SH3BGRL: variants seen among roughly 807,000 people sequenced by gnomAD.
SH3BGRL encodes the protein SH3 domain binding glutamate rich protein like.
Under a neutral mutation model 9.8 loss-of-function variants are expected in SH3BGRL, and 7 were observed. The observed-to-expected ratio is 0.72, with a 90% confidence interval of 0.41 to 1.35. SH3BGRL has a LOEUF of 1.35. Ranked by LOEUF, SH3BGRL falls within the 40% of genes most tolerant of loss-of-function variation. SH3BGRL has a pLI of 0.01. For synonymous variants in SH3BGRL, 36 were observed against 29.1 expected, an observed-to-expected ratio of 1.24 and a Z score of -0.76; for missense variants, 73 against 84.4, an observed-to-expected ratio of 0.86 and a Z score of 0.53.
chrX:81,216,086 A>G, intron 1 of SH3BGRL, among the ~76,000 whole-genome samples: 1 of 111,475 alleles, frequency 9.0e-6, no homozygotes, highest in Non-Finnish European at 1.9e-5. Flanking sequence ...TTTTGTGTAA[A>G]CAATTATGTC....
intron 1 of SH3BGRL, among the ~76,000 whole-genome samples, chrX:81,230,795 G>A (rs917775493): frequency 3.6e-5 from 4 of 111,670 alleles, no homozygotes; most frequent in Non-Finnish European, 7.5e-5. Flanking sequence ...CTTGTAATGT[G>A]TGGCCCCAAC....
intron 1 of SH3BGRL, among the ~76,000 whole-genome samples, chrX:81,259,541 T>G (rs1430164807): frequency 8.9e-6 from 1 of 111,874 alleles, no homozygotes; most frequent in African/African-American, 3.2e-5. Context: ...AACTGGTTTG[T>G]TTGCTTTCAA....
intron 1 of SH3BGRL, among the ~76,000 whole-genome samples, chrX:81,209,002 GTT>G (rs11322797): frequency 0.03 from 1,614 of 54,609 alleles, 12 homozygotes; most frequent in Non-Finnish European, 0.036. Flanking sequence ...GCATAACTAA[GTT>G]TTTTTTTTTT....
chrX:81,235,342 C>A (rs1192510388), intron 1 of SH3BGRL, among the ~76,000 whole-genome samples: 2 of 110,025 alleles, frequency 1.8e-5, no homozygotes, highest in African/African-American at 6.6e-5. Flanking sequence ...GGTCTTACAA[C>A]CCAGAGTTTG....
chrX:81,236,190 A>C (rs925581151), intron 1 of SH3BGRL, among the ~76,000 whole-genome samples: 2 of 111,898 alleles, frequency 1.8e-5, no homozygotes, highest in African/African-American at 6.5e-5. Context: ...GATCGTGTCC[A>C]TATCTAATTT....
At chrX:81,280,705 C>G (rs1233081122) in intron 3 of SH3BGRL, among the ~76,000 whole-genome samples, 3 of 111,715 alleles carry the variant, frequency 2.7e-5, no homozygotes, top group Non-Finnish European at 5.6e-5. Context: ...CTGACAGAGC[C>G]TACCCAAGTG....
chrX:81,238,369 G>C (rs1159719296), intron 1 of SH3BGRL, among the ~76,000 whole-genome samples: 1 of 112,573 alleles, frequency 8.9e-6, no homozygotes, highest in Non-Finnish European at 1.9e-5. Flanking sequence ...ACTCCCCATG[G>C]CCTGTGGTGG....
intron 1 of SH3BGRL, among the ~76,000 whole-genome samples, chrX:81,240,480 G>A (rs182776343): frequency 5.3e-4 from 59 of 112,019 alleles, no homozygotes; most frequent in Admixed American, 3.3e-3. Context: ...ATAGCGGGGC[G>A]TTAACCAAAG....
chrX:81,270,998 C>T (rs925913772), intron 1 of SH3BGRL, among the ~76,000 whole-genome samples: 2 of 112,219 alleles, frequency 1.8e-5, no homozygotes, highest in Non-Finnish European at 3.8e-5. Context: ...CCAGGTCAAT[C>T]TCAGACTGCT....
chrX:81,219,829 G>A (rs774834997), intron 1 of SH3BGRL, among the ~76,000 whole-genome samples: 2 of 111,348 alleles, frequency 1.8e-5, no homozygotes, highest in African/African-American at 6.5e-5. Flanking sequence ...TGTCATGAAG[G>A]TATGTTGAAT....
chrX:81,265,527 G>A (rs5959864), intron 1 of SH3BGRL, among the ~76,000 whole-genome samples: 1,907 of 111,153 alleles, frequency 0.017, 49 homozygotes, highest in African/African-American at 0.06. Context: ...TGTCCCTGCA[G>A]AGGACATGAA....
intron 1 of SH3BGRL, among the ~76,000 whole-genome samples, chrX:81,214,084 C>T (rs1007204114): frequency 4.5e-5 from 5 of 112,186 alleles, no homozygotes; most frequent in African/African-American, 9.7e-5. Flanking sequence ...GCAGGAAACA[C>T]GTGGATTCAT....
chrX:81,216,708 G>T (rs984549829), intron 1 of SH3BGRL, among the ~76,000 whole-genome samples: 7 of 111,114 alleles, frequency 6.3e-5, no homozygotes, highest in Non-Finnish European at 1.3e-4. Context: ...GTCCTTCTGT[G>T]CCTGGCTCAT....
intron 1 of SH3BGRL, among the ~76,000 whole-genome samples, chrX:81,257,769 T>C (rs1178945785): frequency 9.0e-6 from 1 of 110,524 alleles, no homozygotes; most frequent in African/African-American, 3.3e-5. Flanking sequence ...GAGGGAAGCA[T>C]ACAAGGGAGT....
chrX:81,255,426 A>G (rs750242320), intron 1 of SH3BGRL: 18 of 112,077 alleles, frequency 1.6e-4, no homozygotes, highest in Admixed American at 2.8e-4. Context: ...TGTGATCTAA[A>G]ATTCTGAGAG....
chrX:81,259,086 C>T lies in SH3BGRL; in HGVS notation c.46-17898C>T, dbSNP rs575513978. Among the ~76,000 whole-genome samples the T allele has an allele frequency of 9.8e-5, 11 of 112,355 alleles. No homozygotes were observed. In the East Asian group the frequency reaches 2.8e-3, roughly 29 times the overall value. On this transcript the variant is annotated intron_variant, in intron 1 of 3. Coordinates refer to ENST00000373212, the MANE Select transcript of SH3BGRL (RefSeq NM_003022.3). ...ACTGATAGTTTGGAGTTTGTAGTTA[C>T]AGTCTGTTTTTAAAAGTATCTGTTG...
At chrX:81,244,521 G>A (rs752098431) in intron 1 of SH3BGRL, among the ~76,000 whole-genome samples, 1 of 111,896 alleles carries the variant, frequency 8.9e-6, no homozygotes, top group Non-Finnish European at 1.9e-5. Flanking sequence ...TAGACAGGCA[G>A]AGAACAAAAA....
At chrX:81,270,611 G>C (rs1038414786) in intron 1 of SH3BGRL, among the ~76,000 whole-genome samples, 1 of 111,872 alleles carries the variant, frequency 8.9e-6, no homozygotes, top group African/African-American at 3.3e-5. Context: ...TCGTCCCACA[G>C]GGGCACCCAC....
chrX:81,216,409 A>G (rs1206813281), intron 1 of SH3BGRL, among the ~76,000 whole-genome samples: 2 of 111,285 alleles, frequency 1.8e-5, no homozygotes, highest in Non-Finnish European at 3.8e-5. Context: ...GAATCCATGA[A>G]CCCAAGCATC....
Sources: gnomAD v4.1 joint callset for allele counts (sites outside exome capture counted in the v4.1 genomes callset) on GRCh38, gnomAD v4.1.1 for gene constraint, MANE v1.5 for transcripts, NCBI Gene and HGNC (gene_info 2026-07-23, HGNC 2026-07-21) for gene names.